ANKRD11: variants seen among roughly 807,000 people sequenced by gnomAD.
ANKRD11 encodes ankyrin repeat domain 11.
A neutral mutation model predicts 195.7 loss-of-function variants in ANKRD11; 17 were observed. The ratio of observed to expected loss-of-function variants is 0.09; its 90% CI spans 0.06 to 0.13. ANKRD11 has a LOEUF of 0.13. ANKRD11 is among the 10% of genes least tolerant of loss of function. The pLI is 1.00. For missense variants in ANKRD11, 3,735 were observed against 3,566.1 expected (o/e 1.05, Z -1.21); for synonymous variants, 1,953 against 1,528.1 (o/e 1.28, Z -6.49).
intron 1 of ANKRD11, among the ~76,000 whole-genome samples, chr16:89,436,624 A>AT (rs1162432910): frequency 6.6e-6 from 1 of 152,256 alleles, no homozygotes; most frequent in Admixed American, 6.5e-5. Context: ...GGCATCAGCC[A>AT]TCAGAGCTCT....
intron 1 of ANKRD11, among the ~76,000 whole-genome samples, chr16:89,418,766 CTT>C (rs771543095): frequency 1.9e-4 from 27 of 142,512 alleles, no homozygotes; most frequent in Admixed American, 2.1e-4. Flanking sequence ...TTTAAAAGGC[CTT>C]TTTTTTTTTT....
chr16:89,354,493 A>AGGGCAGC (rs2039378349), intron 2 of ANKRD11, among the ~76,000 whole-genome samples: 1 of 152,370 alleles, frequency 6.6e-6, no homozygotes, highest in African/African-American at 2.4e-5. Flanking sequence ...CAGAGGGCAG[A>AGGGCAGC]GGGCAGCGTG....
intron 1 of ANKRD11, among the ~76,000 whole-genome samples, chr16:89,486,564 G>A (rs890239122): frequency 5.9e-5 from 9 of 152,078 alleles, no homozygotes; most frequent in Admixed American, 5.2e-4. Flanking sequence ...GAGGTATGTC[G>A]AGGCCATGCC....
chr16:89,287,010 TGA>T (rs773011582), intron 7 of ANKRD11: 2 of 1,289,482 alleles, frequency 1.6e-6, no homozygotes, highest in East Asian at 5.5e-5. Context: ...CTTATGTGTG[TGA>T]GTTTTCTATG....
intron 9 of ANKRD11, among the ~76,000 whole-genome samples, chr16:89,277,246 G>A (rs988357890): frequency 4.8e-4 from 73 of 152,238 alleles, no homozygotes; most frequent in African/African-American, 1.7e-3. Context: ...GAGCTCAAGC[G>A]AATGCACAGC....
At position 89,280,268 on chromosome 16, in the gene ANKRD11, C is replaced by A; in HGVS notation, c.6274G>T (p.Val2092Leu). ...TTTTCCAGGGGCCCCAGAGCCTCCACCTGAGCCACAGCGGCTACACAGGCG... is the reference window on the plus strand; with the variant it reads ...TTTTCCAGGGGCCCCAGAGCCTCCAACTGAGCCACAGCGGCTACACAGGCG... ...EPACVAAVAQ[V>L]EALGPLENSF... The change falls in exon 9 of 13, where the codon GTG becomes TTG. Residue 2092 changes from valine to leucine, a missense_variant. Val to Leu is a conservative substitution (Grantham distance 32). Coordinates refer to ENST00000301030, the MANE Select transcript of ANKRD11 (RefSeq NM_013275.6). 6.2e-7 allele frequency: 1 copy of A among 1,609,264 alleles called. No homozygotes were observed. The highest frequency in any genetic ancestry group is 8.5e-7 in the Non-Finnish European group (1 of 1,179,292).
At chr16:89,438,286 G>A (rs182407471) in intron 1 of ANKRD11, among the ~76,000 whole-genome samples, 43 of 152,104 alleles carry the variant, frequency 2.8e-4, no homozygotes, top group African/African-American at 9.9e-4. Context: ...TGTGCAGAAG[G>A]CGTAGGAAGC....
intron 1 of ANKRD11, among the ~76,000 whole-genome samples, chr16:89,478,593 C>T (rs986820623): frequency 2.0e-5 from 3 of 152,194 alleles, no homozygotes; most frequent in African/African-American, 7.2e-5. Flanking sequence ...CTTTCGTCCC[C>T]GCTGCCCTCC....
intron 1 of ANKRD11, among the ~76,000 whole-genome samples, chr16:89,432,469 C>G (rs182354454): frequency 6.6e-6 from 1 of 152,172 alleles, no homozygotes; most frequent in East Asian, 1.9e-4. Context: ...TCTGAGCAAC[C>G]GCAAACACCT....
At chr16:89,461,980 C>T (rs912031034) in intron 1 of ANKRD11, among the ~76,000 whole-genome samples, 10 of 152,040 alleles carry the variant, frequency 6.6e-5, no homozygotes, top group African/African-American at 2.4e-4. Context: ...CACTGGTATA[C>T]TTCCGTCTGT....
intron 1 of ANKRD11, among the ~76,000 whole-genome samples, chr16:89,479,330 A>G (rs989597087): frequency 2.0e-5 from 3 of 152,086 alleles, no homozygotes; most frequent in Non-Finnish European, 4.4e-5. Context: ...AACACATGTG[A>G]CCTGATATAA....
At chr16:89,470,857 G>A (rs1336657535) in intron 1 of ANKRD11, among the ~76,000 whole-genome samples, 1 of 152,190 alleles carries the variant, frequency 6.6e-6, no homozygotes, top group Non-Finnish European at 1.5e-5. Flanking sequence ...GCTGGGCACG[G>A]TGGCGGACAT....
rs767106606 is a variant in ANKRD11, at chr16:89,279,725, C to T, written c.6817G>A (p.Gly2273Ser). The change falls in exon 9 of 13, where the codon GGC becomes AGC. Residue 2273 changes from glycine (G) to serine (S), a missense_variant. Coordinates refer to ENST00000301030, the MANE Select transcript of ANKRD11 (RefSeq NM_013275.6). The surrounding 1 kb of genome is among the most constrained non-coding windows in gnomAD (Gnocchi z 5.6). ...TGTGCCACAGTGTTCGGGGCGGGGC[C>T]GTCAGGGGCACAGAGGGACGCGGCG... ...PPAASLCAPD[G>S]PAPNTVAQAQ... 11 of 1,536,546 alleles carry T rather than the reference C, an allele frequency of 7.2e-6. No individual in the cohort carries two copies. The Admixed American group carries it at 9.7e-5, about 14-fold the overall frequency.
rs77502050 is a variant in ANKRD11, at chr16:89,323,033, G to A, written c.-59-5955C>T. 6.6e-4 allele frequency: 201 copies of A among 305,332 alleles called. 1 individual carries two copies. The highest frequency in any genetic ancestry group is 4.3e-3 in the African/African-American group (189 of 44,404). 18.9% of individuals were successfully genotyped at this position (305,332 alleles called of 1,614,324 possible). A position where few individuals can be genotyped will look rare whatever the true frequency, so the allele number is the denominator to read the frequency against. Reference sequence around the variant, plus strand: ...TAATTTCTGTACTTTCTGTGGAGTCGGGTTTCGCCATGCTTCCGAGGCTGG... The same window carrying A: ...TAATTTCTGTACTTTCTGTGGAGTCAGGTTTCGCCATGCTTCCGAGGCTGG... On this transcript the variant is annotated intron_variant, in intron 2 of 12. Transcript: ENST00000301030.
chr16:89,272,495 A>C (rs1429688283), intron 11 of ANKRD11: 1 of 152,242 alleles, frequency 6.6e-6, no homozygotes, highest in Non-Finnish European at 1.5e-5. Context: ...TGAGGTCAAG[A>C]GTTTCAGACT....
chr16:89,331,616 T>C (rs2038071494), intron 2 of ANKRD11, among the ~76,000 whole-genome samples: 1 of 151,896 alleles, frequency 6.6e-6, no homozygotes, highest in Admixed American at 6.6e-5. Flanking sequence ...ATTCAGGAGA[T>C]AGAGATTTAT....
Position 89,285,197 on chromosome 16 carries a change from T to G in ANKRD11, c.1345A>C (p.Lys449Gln), listed in dbSNP as rs1198678184. 6.2e-7 allele frequency: 1 copy of G among 1,613,594 alleles called. No homozygotes were observed. The highest frequency in any genetic ancestry group is 1.7e-5 in the Admixed American group (1 of 60,004). Reference sequence around the variant, plus strand: ...TTCTTTTTCACTTTATTTTTTTCCTTCTGCTGCTTGGCATTAGAAGGCTCT... The same window carrying G: ...TTCTTTTTCACTTTATTTTTTTCCTGCTGCTGCTTGGCATTAGAAGGCTCT... Reference protein sequence around the residue: ...TREPSNAKQQKEKNKVKKKRK... With the variant: ...TREPSNAKQQQEKNKVKKKRK... The change falls in exon 9 of 13, where the codon AAG (lysine) becomes CAG (glutamine). Residue 449 changes from lysine (K) to glutamine (Q), a missense_variant. Coordinates refer to ENST00000301030, the MANE Select transcript of ANKRD11 (RefSeq NM_013275.6). The surrounding 1 kb of genome is among the most constrained non-coding windows in gnomAD (Gnocchi z 5.6).
At chr16:89,456,059 T>C (rs1189555439) in intron 1 of ANKRD11, among the ~76,000 whole-genome samples, 1 of 151,630 alleles carries the variant, frequency 6.6e-6, no homozygotes, top group Non-Finnish European at 1.5e-5. Flanking sequence ...GCCAACATGC[T>C]GAAATCCTGT....
At position 89,480,906 on chromosome 16, in the gene ANKRD11, G is replaced by C. The variant is rs185294894; in HGVS notation, c.-145+9339C>G. On this transcript the variant is annotated intron_variant, in intron 1 of 12. Coordinates refer to ENST00000301030, the MANE Select transcript of ANKRD11 (RefSeq NM_013275.6). Reference sequence around the variant, plus strand: ...ATAGCCATTTCCTTTCCTCAACTGAGATGCCCACTTCTCCCTCCAGAATGT... The same window carrying C: ...ATAGCCATTTCCTTTCCTCAACTGACATGCCCACTTCTCCCTCCAGAATGT... Among the ~76,000 whole-genome samples the C allele has an allele frequency of 4.6e-5, 7 of 152,218 alleles. No individual in the cohort carries two copies. In the East Asian group the frequency reaches 9.7e-4, roughly 21 times the overall value.
Sources: gnomAD v4.1 joint callset for allele counts (sites outside exome capture counted in the v4.1 genomes callset) on GRCh38, gnomAD v4.1.1 for gene constraint, Gnocchi (gnomAD v3.1) non-coding constraint, MANE v1.5 for transcripts, NCBI Gene and HGNC (gene_info 2026-07-23, HGNC 2026-07-21) for gene names.